The following ZFHX3 variants were observed in gnomAD, a reference collection of about 807,000 sequenced individuals.
The protein encoded by ZFHX3 is zinc finger homeobox protein 3.
In ZFHX3, 42 loss-of-function variants were observed where a neutral mutation model predicts 279.1. The ratio of observed to expected loss-of-function variants is 0.15; its 90% CI spans 0.12 to 0.19. ZFHX3 has a LOEUF of 0.19. Among genes scored for constraint, ZFHX3 ranks in the 10% least tolerant of loss-of-function variants. The pLI, the probability that ZFHX3 is intolerant of heterozygous loss-of-function variation, is 1.00. For synonymous variants in ZFHX3, 2,293 were observed against 1,957.8 expected, an observed-to-expected ratio of 1.17 and a Z score of -4.52; for missense variants, 4,981 against 4,754.0, an observed-to-expected ratio of 1.05 and a Z score of -1.40.
At chr16:73,102,912 T>G (rs1966249433) in intron 7 of ZFHX3, among the ~76,000 whole-genome samples, 2 of 152,140 alleles carry the variant, frequency 1.3e-5, no homozygotes, top group Non-Finnish European at 2.9e-5. Context: ...CTGGTGTTCC[T>G]ACATTTACAT....
At chr16:72,866,069 G>T (rs1405324914) in intron 4 of ZFHX3, among the ~76,000 whole-genome samples, 2 of 152,124 alleles carry the variant, frequency 1.3e-5, no homozygotes, top group Non-Finnish European at 2.9e-5. Context: ...GCCCAAATTG[G>T]AAGGAGGAAA....
intron 4 of ZFHX3, among the ~76,000 whole-genome samples, chr16:73,300,663 C>T (rs910101316): frequency 6.6e-6 from 1 of 152,176 alleles, no homozygotes; most frequent in Non-Finnish European, 1.5e-5. Flanking sequence ...GCCACCATGC[C>T]CGGCTAATTT....
intron 4 of ZFHX3, among the ~76,000 whole-genome samples, chr16:72,866,363 C>T (rs974314561): frequency 6.6e-6 from 1 of 152,136 alleles, no homozygotes; most frequent in African/African-American, 2.4e-5. Flanking sequence ...TTTGCGTCCC[C>T]TTTTATAGGT....
intron 4 of ZFHX3, among the ~76,000 whole-genome samples, chr16:72,841,930 T>C (rs1343448491): frequency 6.6e-6 from 1 of 152,080 alleles, no homozygotes; most frequent in African/African-American, 2.4e-5. Flanking sequence ...AAACAACAAA[T>C]ACATGAAACC....
rs533501936 is a variant in ZFHX3, at chr16:73,197,097, TC to T, written c.-1103-53267del. 1.5e-4 allele frequency among the ~76,000 whole-genome samples: 23 copies of T among 151,718 alleles called. No homozygotes were observed. In the East Asian group the frequency reaches 3.9e-3, roughly 26 times the overall value. On this transcript the variant is annotated intron_variant, in intron 5 of 17. Transcript: ENST00000641206. Reference sequence around the variant, plus strand: ...TCTTTAAAACCATCATGTTAAACAATCCCCCCCTTCAACTTTAATGCATTTT... The same window carrying T: ...TCTTTAAAACCATCATGTTAAACAATCCCCCCTTCAACTTTAATGCATTTT...
intron 4 of ZFHX3, among the ~76,000 whole-genome samples, chr16:72,850,121 G>A (rs542092276): frequency 6.6e-6 from 1 of 152,284 alleles, no homozygotes; most frequent in African/African-American, 2.4e-5. Context: ...CAACACTCCA[G>A]ATGGGACCAG....
chr16:73,612,469 G>C (rs1254941023), intron 2 of ZFHX3, among the ~76,000 whole-genome samples: 1 of 152,180 alleles, frequency 6.6e-6, no homozygotes, highest in East Asian at 1.9e-4. Flanking sequence ...AATGTTTTAA[G>C]ATTTCTATTT....
At chr16:73,265,078 C>CATGTGTGT (rs143539675) in intron 4 of ZFHX3, among the ~76,000 whole-genome samples, 12 of 145,982 alleles carry the variant, frequency 8.2e-5, no homozygotes, top group African/African-American at 3.1e-4. Flanking sequence ...CGCATATATG[C>CATGTGTGT]GTGTGTGTGT....
chr16:73,170,526 A>G (rs1967497369), intron 5 of ZFHX3, among the ~76,000 whole-genome samples: 1 of 152,092 alleles, frequency 6.6e-6, no homozygotes, highest in South Asian at 2.1e-4. Flanking sequence ...CACCGTGCCC[A>G]GCCCTCACTA....
At chr16:73,841,588 C>T (rs546464066) in intron 1 of ZFHX3, among the ~76,000 whole-genome samples, 6 of 152,088 alleles carry the variant, frequency 3.9e-5, no homozygotes, top group Non-Finnish European at 8.8e-5. Flanking sequence ...AATGCCATGG[C>T]CACAAGAGGG....
At chr16:73,605,120 G>A (rs2052164601) in intron 2 of ZFHX3, among the ~76,000 whole-genome samples, 2 of 152,144 alleles carry the variant, frequency 1.3e-5, no homozygotes, top group African/African-American at 2.4e-5. Flanking sequence ...ATTTAGGCCT[G>A]AGAGTTTCAT....
intron 2 of ZFHX3, among the ~76,000 whole-genome samples, chr16:73,574,130 TC>T (rs1169415410): frequency 7.9e-5 from 12 of 152,174 alleles, no homozygotes; most frequent in Admixed American, 2.6e-4. Flanking sequence ...CTTATCCCTT[TC>T]CCCTAAATGT....
chr16:73,164,330 A>G (rs1967308995), intron 5 of ZFHX3, among the ~76,000 whole-genome samples: 1 of 152,224 alleles, frequency 6.6e-6, no homozygotes, highest in Non-Finnish European at 1.5e-5. Context: ...CTTGTCACTC[A>G]TCCTCTTGAA....
intron 1 of ZFHX3, among the ~76,000 whole-genome samples, chr16:73,008,607 G>A (rs1265013847): frequency 6.6e-6 from 1 of 152,168 alleles, no homozygotes; most frequent in Non-Finnish European, 1.5e-5. Flanking sequence ...GAGGGAAGAG[G>A]ATGTTAAGTC....
At chr16:73,725,677 C>T (rs1341632772) in intron 1 of ZFHX3, among the ~76,000 whole-genome samples, 4 of 151,948 alleles carry the variant, frequency 2.6e-5, no homozygotes, top group Admixed American at 6.6e-5. Context: ...TCCCTTTGAC[C>T]CCTACTCTAA....
chr16:73,718,767 C>T (rs1194741420), intron 1 of ZFHX3, among the ~76,000 whole-genome samples: 2 of 151,808 alleles, frequency 1.3e-5, no homozygotes, highest in African/African-American at 2.4e-5. Context: ...AGGCGCACAC[C>T]ACCACGTCCA....
intron 4 of ZFHX3, 21 bp from the exon 5 acceptor site, chr16:72,829,880 G>T: frequency 6.2e-7 from 1 of 1,613,778 alleles, no homozygotes; most frequent in Non-Finnish European, 8.5e-7. Context: ...AGAAAAACAT[G>T]TCAAGGGTTA....
At chr16:73,252,467 G>A (rs2013538829) in intron 5 of ZFHX3, among the ~76,000 whole-genome samples, 1 of 152,160 alleles carries the variant, frequency 6.6e-6, no homozygotes, top group African/African-American at 2.4e-5. Flanking sequence ...CAGGCCGTGG[G>A]GGTCTCATGA....
In ZFHX3 at chr16:73,857,330, A is replaced by T. The variant is rs149497970; in HGVS notation, c.-1608+34321T>A. On this transcript the variant is annotated intron_variant, in intron 1 of 17. Coordinates refer to the ZFHX3 transcript ENST00000641206. Reference sequence around the variant, plus strand: ...ATTACAGTTTGGAGAATAAATGAGTAAAGATGGCATCTAAATGCACTTTTC... The same window carrying T: ...ATTACAGTTTGGAGAATAAATGAGTTAAGATGGCATCTAAATGCACTTTTC... Among the ~76,000 whole-genome samples the T allele has an allele frequency of 6.7e-3, 1,024 of 152,362 alleles. 6 individuals carry two copies. Among genetic ancestry groups the T allele is most frequent in the Non-Finnish European group, 8.6e-3 (583 of 68,032 alleles).
Sources: gnomAD v4.1 joint callset for allele counts (sites outside exome capture counted in the v4.1 genomes callset) on GRCh38, gnomAD v4.1.1 for gene constraint, MANE v1.5 for transcripts, NCBI Gene and HGNC (gene_info 2026-07-23, HGNC 2026-07-21) for gene names.